PRKRIP1: variants seen among roughly 807,000 people sequenced by gnomAD.
The protein encoded by PRKRIP1 is PRKR-interacting protein 1.
Under a neutral mutation model 29.3 loss-of-function variants are expected in PRKRIP1, and 29 were observed. That is an observed-to-expected ratio of 0.99 (90% CI 0.74 to 1.35). PRKRIP1 has a LOEUF of 1.35. Among genes scored for constraint, PRKRIP1 ranks in the 40% most tolerant of loss-of-function variants. The probability of loss-of-function intolerance (pLI) is 0.00; values close to 1 mark genes in which losing one functional copy is unlikely to be tolerated. For missense variants in PRKRIP1, 247 were observed against 236.8 expected (o/e 1.04, Z -0.28); for synonymous variants, 90 against 85.1 (o/e 1.06, Z -0.32).
At chr7:102,417,503 G>A (rs1554573265) in intron 5 of PRKRIP1, among the ~76,000 whole-genome samples, 2 of 151,958 alleles carry the variant, frequency 1.3e-5, no homozygotes, top group East Asian at 1.9e-4. Context: ...TTTTGTACTT[G>A]ATAGTCCATT....
intron 4 of PRKRIP1, among the ~76,000 whole-genome samples, chr7:102,406,963 C>G (rs539375566): frequency 1.3e-5 from 2 of 151,888 alleles, no homozygotes; most frequent in East Asian, 3.9e-4. Flanking sequence ...CACCCGTAAT[C>G]CCAGCACTTT....
Position 102,425,463 on chromosome 7 carries a change from C to A in PRKRIP1, c.*352C>A. On this transcript the variant is annotated 3_prime_UTR_variant, in exon 6 of 6. Transcript: ENST00000397912. Reference sequence around the variant, plus strand: ...AGAACACCCTTGCGTTTTGTTGGGACATGTGGACCGTGAGTCGCAAACACT... The same window carrying A: ...AGAACACCCTTGCGTTTTGTTGGGAAATGTGGACCGTGAGTCGCAAACACT... 3.1e-6 allele frequency: 1 copy of A among 323,208 alleles called. No homozygotes were observed. The highest frequency in any genetic ancestry group is 1.1e-4 in the East Asian group (1 of 8,938). 20.0% of individuals were successfully genotyped at this position (323,208 alleles called of 1,614,324 possible).
At chr7:102,418,632 A>G (rs1179871661) in intron 5 of PRKRIP1, among the ~76,000 whole-genome samples, 1 of 151,868 alleles carries the variant, frequency 6.6e-6, no homozygotes, top group Non-Finnish European at 1.5e-5. Flanking sequence ...TTTCTCTGTC[A>G]CCTCTCACTC....
At chr7:102,401,569 A>G (rs1346712291) in intron 3 of PRKRIP1, among the ~76,000 whole-genome samples, 3 of 152,216 alleles carry the variant, frequency 2.0e-5, no homozygotes, top group African/African-American at 7.2e-5. Flanking sequence ...CCCCATCTCT[A>G]CTAAAAATAC....
intron 5 of PRKRIP1, among the ~76,000 whole-genome samples, chr7:102,414,710 C>T (rs185556858): frequency 6.6e-6 from 1 of 152,092 alleles, no homozygotes; most frequent in East Asian, 1.9e-4. Context: ...CATGGTAAAA[C>T]CCTATCTCTA....
chr7:102,417,214 C>A (rs1464468753), intron 5 of PRKRIP1, among the ~76,000 whole-genome samples: 1 of 151,998 alleles, frequency 6.6e-6, no homozygotes, highest in Non-Finnish European at 1.5e-5. Flanking sequence ...GGTGCCATCA[C>A]TGTTGATGTT....
intron 5 of PRKRIP1, among the ~76,000 whole-genome samples, chr7:102,416,053 T>G (rs1796527446): frequency 6.6e-6 from 1 of 152,246 alleles, no homozygotes; most frequent in Non-Finnish European, 1.5e-5. Flanking sequence ...CAATGCTTTC[T>G]GTTTGTGTAA....
chr7:102,416,609 A>G (rs1244467567), intron 5 of PRKRIP1, among the ~76,000 whole-genome samples: 1 of 151,672 alleles, frequency 6.6e-6, no homozygotes, highest in Non-Finnish European at 1.5e-5. Context: ...GATGAGGACC[A>G]CAGAGGGAAA....
intron 5 of PRKRIP1, among the ~76,000 whole-genome samples, chr7:102,411,009 T>A (rs1796366925): frequency 6.6e-6 from 1 of 152,162 alleles, no homozygotes; most frequent in Non-Finnish European, 1.5e-5. Context: ...CGCGGCGGCC[T>A]TGAACTCCTG....
intron 5 of PRKRIP1, among the ~76,000 whole-genome samples, chr7:102,409,516 C>G (rs1796320776): frequency 6.6e-6 from 1 of 151,994 alleles, no homozygotes; most frequent in Admixed American, 6.6e-5. Flanking sequence ...TAGTAAGACC[C>G]CATCTCTACA....
At chr7:102,402,936 G>A (rs1796112463) in intron 3 of PRKRIP1, among the ~76,000 whole-genome samples, 1 of 151,890 alleles carries the variant, frequency 6.6e-6, no homozygotes, top group Non-Finnish European at 1.5e-5. Flanking sequence ...AGGCTGGAGT[G>A]TAATCTTGGC....
intron 5 of PRKRIP1, among the ~76,000 whole-genome samples, chr7:102,424,478 G>T (rs1796784117): frequency 6.6e-6 from 1 of 152,224 alleles, no homozygotes; most frequent in Non-Finnish European, 1.5e-5. Flanking sequence ...CTTCTGGCTG[G>T]CAGTCATGAT....
At chr7:102,411,991 G>A (rs1011834193) in intron 5 of PRKRIP1, among the ~76,000 whole-genome samples, 32 of 151,934 alleles carry the variant, frequency 2.1e-4, no homozygotes, top group African/African-American at 7.7e-4. Context: ...CGCCCAGGCT[G>A]GAGTGCAGTG....
intron 5 of PRKRIP1, among the ~76,000 whole-genome samples, chr7:102,422,346 T>C (rs1554573853): frequency 6.6e-6 from 1 of 150,962 alleles, no homozygotes; most frequent in Non-Finnish European, 1.5e-5. Flanking sequence ...GCTAATTTTT[T>C]TTTTTTCTGA....
In PRKRIP1 at chr7:102,425,935, G is replaced by A. The variant is rs572962371; in HGVS notation, c.*824G>A. 4 of 153,164 alleles carry A rather than the reference G, an allele frequency of 2.6e-5. No individual in the cohort carries two copies. Among genetic ancestry groups the A allele is most frequent in the African/African-American group, 4.8e-5 (2 of 41,598 alleles). 9.5% of individuals were successfully genotyped at this position (153,164 alleles called of 1,614,324 possible). On this transcript the variant is annotated 3_prime_UTR_variant, in exon 6 of 6. Transcript: ENST00000397912. ...CTAAACAGAACAGGCTGAGAGAGGC[G>A]GGACTGGGTCAAGTGGGTGGAGCTC...
rs782812255 is a variant in PRKRIP1 at position 102,425,112 on chromosome 7, C to CA, written c.*3dup. On this transcript the variant is annotated 3_prime_UTR_variant, in exon 6 of 6. Coordinates refer to ENST00000397912, the MANE Select transcript of PRKRIP1 (RefSeq NM_024653.4). ...GCCCAGTTTCACCATGGGGCGATGACAATGTTTGCCACAGCCTCTGCCTGG... is the reference window on the plus strand; with the variant it reads ...GCCCAGTTTCACCATGGGGCGATGACAAATGTTTGCCACAGCCTCTGCCTGG... 9 of 1,610,698 alleles carry CA rather than the reference C, an allele frequency of 5.6e-6. No individual in the cohort carries two copies. The highest frequency in any genetic ancestry group is 7.6e-6 in the Non-Finnish European group (9 of 1,179,562).
chr7:102,397,826 A>C (rs1388463907), intron 2 of PRKRIP1, 128 bp downstream of exon 2: 1 of 726,294 alleles, frequency 1.4e-6, no homozygotes, highest in Non-Finnish European at 2.3e-6. Context: ...CGGGCGGATC[A>C]TGAGGTCAGG....
At chr7:102,416,540 GC>G (rs1796552993) in intron 5 of PRKRIP1, among the ~76,000 whole-genome samples, 1 of 152,154 alleles carries the variant, frequency 6.6e-6, no homozygotes, top group Non-Finnish European at 1.5e-5. Context: ...CTATAAAATG[GC>G]CCTCAGTTGG....
intron 2 of PRKRIP1, among the ~76,000 whole-genome samples, chr7:102,398,668 C>A (rs1341400935): frequency 1.3e-5 from 2 of 152,116 alleles, no homozygotes; most frequent in Non-Finnish European, 2.9e-5. Flanking sequence ...CATAAATTAA[C>A]ATATCTACAG....
Sources: allele counts gnomAD v4.1 joint callset (sites outside exome capture counted in the v4.1 genomes callset), GRCh38; gene constraint gnomAD v4.1.1; transcripts MANE v1.5; gene names NCBI Gene and HGNC (gene_info 2026-07-23, HGNC 2026-07-21).